The following CFAP206 variants were observed in gnomAD, a reference collection of about 807,000 sequenced individuals.
CFAP206 encodes cilia and flagella associated protein 206, also known as cilia- and flagella-associated protein 206.
Under a neutral mutation model 65.4 loss-of-function variants are expected in CFAP206, and 53 were observed. The observed-to-expected ratio is 0.81, with a 90% CI of 0.65 to 1.02. CFAP206 has a LOEUF of 1.02. Among genes scored for constraint, CFAP206 ranks in the 50% least tolerant of loss-of-function variants. The probability of loss-of-function intolerance (pLI) is 0.00; values close to 1 mark genes in which losing one functional copy is unlikely to be tolerated. For synonymous variants in CFAP206, 250 were observed against 254.4 expected (o/e 0.98, Z 0.17); for missense variants, 663 against 753.2 (o/e 0.88, Z 1.40).
At chr6:87,453,090 A>T (rs2127956555) in intron 11 of CFAP206, among the ~76,000 whole-genome samples, 1 of 152,274 alleles carries the variant, frequency 6.6e-6, no homozygotes, top group South Asian at 2.1e-4. Context: ...AAGAGAAAAG[A>T]AAGAAATAAC....
chr6:87,420,822 C>A (rs1445459183), intron 7 of CFAP206, among the ~76,000 whole-genome samples: 4 of 152,204 alleles, frequency 2.6e-5, no homozygotes, highest in Admixed American at 6.5e-5. Context: ...ATTTTCTTAT[C>A]CAAGCACTCT....
Position 87,462,306 on chromosome 6 carries a change from C to T in CFAP206, c.1638+1141C>T, listed in dbSNP as rs57195054. Among the ~76,000 whole-genome samples the T allele has an allele frequency of 8.3e-3, 1,261 of 152,286 alleles. 14 individuals carry two copies. Among genetic ancestry groups the T allele is most frequent in the Middle Eastern group, 0.031 (9 of 294 alleles). On this transcript the variant is annotated intron_variant, in intron 12 of 12. Transcript: ENST00000369562. The stretch of plus-strand genomic sequence containing the variant: ...ACTCTGGTGGCAGCTTTTCAGTTCC[C>T]TGGCATGAGGAAGGATCAGTTTCCC...
intron 2 of CFAP206, 28 bp from the exon 3 acceptor site, chr6:87,410,557 T>A (rs1767718030): frequency 6.6e-7 from 1 of 1,522,292 alleles, no homozygotes; most frequent in African/African-American, 1.4e-5. Context: ...CTTTCCTAGT[T>A]AATGGACTCG....
chr6:87,437,850 T>G (rs1768300369), intron 11 of CFAP206, among the ~76,000 whole-genome samples: 1 of 147,958 alleles, frequency 6.8e-6, no homozygotes, highest in Non-Finnish European at 1.5e-5. Context: ...TTTTTTTTTT[T>G]TAGTTTTAGT....
In CFAP206 at chr6:87,410,794, A is replaced by C; in HGVS notation, c.192+126A>C. The C allele has an allele frequency of 4.3e-6, 3 of 703,584 alleles. No homozygotes were observed. The South Asian group carries it at 5.6e-5, about 13-fold the overall frequency. 43.6% of individuals were successfully genotyped at this position (703,584 alleles called of 1,614,324 possible). ...CCCACAAAATAGTAGTATACACGAGATATTTTTCTCATAACACAAAATCTG... is the reference window on the plus strand; with the variant it reads ...CCCACAAAATAGTAGTATACACGAGCTATTTTTCTCATAACACAAAATCTG... On this transcript the variant is annotated intron_variant, in intron 3 of 12. Coordinates refer to ENST00000369562, the MANE Select transcript of CFAP206 (RefSeq NM_001031743.3).
At chr6:87,416,641 C>CT in intron 5 of CFAP206, 28 bp from the exon 6 acceptor site, 3 of 1,531,300 alleles carry the variant, frequency 2.0e-6, no homozygotes, top group Non-Finnish European at 2.6e-6. Context: ...ATTTTGTTTT[C>CT]CTTTTTTTTT....
At position 87,427,841 on chromosome 6, in the gene CFAP206, T is replaced by A. The variant is rs138704396; in HGVS notation, c.961-785T>A. On this transcript the variant is annotated intron_variant, in intron 8 of 12. Transcript: ENST00000369562. ...ATGGTCTTCAGTGACACTTTTGTGT[T>A]CATTCTCCTCTAAACACATCTTCAG... Among the ~76,000 whole-genome samples the A allele has an allele frequency of 3.9e-5, 6 of 152,276 alleles. No homozygotes were observed. In the East Asian group the frequency reaches 1.2e-3, roughly 29 times the overall value.
intron 7 of CFAP206, among the ~76,000 whole-genome samples, chr6:87,421,315 G>A (rs1173937331): frequency 5.9e-5 from 9 of 152,048 alleles, no homozygotes; most frequent in East Asian, 3.9e-4. Flanking sequence ...GTGAAACCCC[G>A]TCTCTACTAA....
Position 87,426,511 on chromosome 6 carries a change from A to T in CFAP206, c.841-15A>T. 1 of 1,548,884 alleles carries T rather than the reference A, an allele frequency of 6.5e-7. No homozygotes were observed. The highest frequency in any genetic ancestry group is 8.7e-7 in the Non-Finnish European group (1 of 1,146,514). ...AATTATAAAAATATTAATGCAAATT[A>T]TGTTGTTTTCACAGTCAGATATAAT... On this transcript the variant is annotated splice_polypyrimidine_tract_variant and intron_variant, in intron 7 of 12. Transcript: ENST00000369562.
At chr6:87,459,630 T>C (rs1462237557) in intron 11 of CFAP206, among the ~76,000 whole-genome samples, 8 of 152,154 alleles carry the variant, frequency 5.3e-5, no homozygotes, top group Admixed American at 4.6e-4. Context: ...ATGGAGGCAA[T>C]GCTGATTTTT....
At chr6:87,409,749 A>T in intron 1 of CFAP206, 86 bp from the exon 2 acceptor site, 1 of 832,522 alleles carries the variant, frequency 1.2e-6, no homozygotes, top group Non-Finnish European at 2.0e-6. Context: ...CTGTTTACAA[A>T]TACAATATTG....
intron 10 of CFAP206, among the ~76,000 whole-genome samples, chr6:87,434,052 A>G (rs2127952678): frequency 6.6e-6 from 1 of 150,950 alleles, no homozygotes; most frequent in Middle Eastern, 3.5e-3. Context: ...GTGAGCTGAG[A>G]TCACACCACT....
chr6:87,415,455 A>G, intron 4 of CFAP206: 2 of 533,900 alleles, frequency 3.7e-6, no homozygotes, highest in South Asian at 1.7e-5. Flanking sequence ...TTAAAGTCTT[A>G]GGTGTTTTGA....
rs1229287502 is a variant in CFAP206 at position 87,409,771 on chromosome 6, A to G, written c.-5-64A>G. ...CAAATACAATATTGCAGAAATCAAA[A>G]GAGGAAAAAAATAAATTTGCATAAA... On this transcript the variant is annotated intron_variant, in intron 1 of 12. Transcript: ENST00000369562. 2.9e-6 allele frequency: 3 copies of G among 1,047,794 alleles called. No homozygotes were observed. The African/African-American group carries it at 4.9e-5, about 17-fold the overall frequency. 64.9% of individuals were successfully genotyped at this position (1,047,794 alleles called of 1,614,324 possible).
rs1419208364 is a variant in CFAP206, at chr6:87,443,790, A to G, written c.1494+8737A>G. Among the ~76,000 whole-genome samples the G allele has an allele frequency of 3.9e-5, 6 of 152,110 alleles. No homozygotes were observed. The East Asian group carries it at 1.2e-3, about 29-fold the overall frequency. On this transcript the variant is annotated intron_variant, in intron 11 of 12. Coordinates refer to ENST00000369562, the MANE Select transcript of CFAP206 (RefSeq NM_001031743.3). ...GCCCTCCTCTCTCTCTCCCCACTCTAGTAGCCCCCAGTATCTGTTGTTGCC... is the reference window on the plus strand; with the variant it reads ...GCCCTCCTCTCTCTCTCCCCACTCTGGTAGCCCCCAGTATCTGTTGTTGCC...
chr6:87,449,839 T>C (rs572304054), intron 11 of CFAP206, among the ~76,000 whole-genome samples: 1 of 152,302 alleles, frequency 6.6e-6, no homozygotes, highest in East Asian at 1.9e-4. Context: ...TATAATCCCA[T>C]TTGTCTATTT....
At chr6:87,439,215 C>T (rs138101596) in intron 11 of CFAP206, among the ~76,000 whole-genome samples, 1,965 of 151,976 alleles carry the variant, frequency 0.013, 20 homozygotes, top group Middle Eastern at 0.056. Flanking sequence ...ATAAAAATAC[C>T]ATTTGCATAG....
intron 9 of CFAP206, among the ~76,000 whole-genome samples, chr6:87,430,314 G>A (rs1243672504): frequency 1.3e-5 from 2 of 152,170 alleles, no homozygotes; most frequent in Non-Finnish European, 2.9e-5. Context: ...GATTGTGAAA[G>A]CTAAGAAACT....
At chr6:87,417,327 G>C (rs1767851165) in intron 6 of CFAP206, among the ~76,000 whole-genome samples, 1 of 151,952 alleles carries the variant, frequency 6.6e-6, no homozygotes, top group Non-Finnish European at 1.5e-5. Context: ...ATTTAATGAA[G>C]TACCTACCAG....
Sources: gnomAD v4.1 joint callset for allele counts (sites outside exome capture counted in the v4.1 genomes callset) on GRCh38, gnomAD v4.1.1 for gene constraint, MANE v1.5 for transcripts, NCBI Gene and HGNC (gene_info 2026-07-23, HGNC 2026-07-21) for gene names.